Variants in PDZD2 observed in about 807,000 individuals in gnomAD.
PDZD2 encodes the protein PDZ domain-containing protein 2.
Under a neutral mutation model 220.7 loss-of-function variants are expected in PDZD2, and 90 were observed. The observed-to-expected ratio is 0.41, with a 90% CI of 0.34 to 0.49. The LOEUF (loss-of-function observed/expected upper bound fraction) is 0.49, where lower values mean the gene tolerates loss of function less well. PDZD2 is among the 20% of genes least tolerant of loss of function. The pLI is 0.28. For missense variants in PDZD2, 3,174 were observed against 3,608.5 expected (o/e 0.88, Z 3.08); for synonymous variants, 1,375 against 1,450.5 (o/e 0.95, Z 1.18).
At chr5:31,663,150 C>G (rs1480215114) in intron 1 of PDZD2, among the ~76,000 whole-genome samples, 2 of 152,118 alleles carry the variant, frequency 1.3e-5, no homozygotes, top group African/African-American at 2.4e-5. Flanking sequence ...ATTAAGCTAC[C>G]CATAAAAAAT....
At chr5:31,964,594 T>C (rs1055947780) in intron 2 of PDZD2, among the ~76,000 whole-genome samples, 3 of 152,232 alleles carry the variant, frequency 2.0e-5, no homozygotes, top group Non-Finnish European at 4.4e-5. Flanking sequence ...CATCTTCTTT[T>C]ACATCAGATT....
At chr5:31,838,440 C>T (rs1034188993) in intron 2 of PDZD2, among the ~76,000 whole-genome samples, 1 of 152,220 alleles carries the variant, frequency 6.6e-6, no homozygotes, top group East Asian at 1.9e-4. Context: ...CTCAGCAGCA[C>T]AAACAGCCTC....
At position 31,906,245 on chromosome 5, in the gene PDZD2, G is replaced by A. The variant is rs542243828; in HGVS notation, c.477-76910G>A. Among the ~76,000 whole-genome samples the A allele has an allele frequency of 1.3e-4, 19 of 142,082 alleles. No homozygotes were observed. The South Asian group carries it at 3.5e-3, about 26-fold the overall frequency. The allele number at this position is 142,082 out of a possible 152,430, so 93.2% of individuals were successfully genotyped here. A position where few individuals can be genotyped will look rare whatever the true frequency, so the allele number is the denominator to read the frequency against. Reference sequence around the variant, plus strand: ...CAAGTAAAATATACTTCATGTTACCGATGTCCAAATGTTCGCTGATTTTGT... The same window carrying A: ...CAAGTAAAATATACTTCATGTTACCAATGTCCAAATGTTCGCTGATTTTGT... On this transcript the variant is annotated intron_variant, in intron 2 of 24. Coordinates refer to ENST00000438447, the MANE Select transcript of PDZD2 (RefSeq NM_178140.4).
At chr5:31,650,096 T>G (rs1358972279) in intron 1 of PDZD2, among the ~76,000 whole-genome samples, 1 of 152,142 alleles carries the variant, frequency 6.6e-6, no homozygotes, top group African/African-American at 2.4e-5. Context: ...AGTGAGTATA[T>G]TTCTTCCCTC....
intron 2 of PDZD2, among the ~76,000 whole-genome samples, chr5:31,963,577 G>A (rs549496408): frequency 6.6e-6 from 1 of 152,278 alleles, no homozygotes; most frequent in South Asian, 2.1e-4. Flanking sequence ...CCGCAGCCTC[G>A]CTGGGATGGG....
chr5:31,711,464 C>T (rs1370061934), intron 1 of PDZD2, among the ~76,000 whole-genome samples: 2 of 152,218 alleles, frequency 1.3e-5, no homozygotes, highest in Admixed American at 6.5e-5. Context: ...CTTGACTGCA[C>T]ATGTGGCTTA....
chr5:32,074,424 C>T lies in PDZD2; in HGVS notation c.3318C>T (p.Ser1106=), dbSNP rs1165841600. 3.7e-6 allele frequency: 6 copies of T among 1,614,014 alleles called. No homozygotes were observed. The highest frequency in any genetic ancestry group is 1.3e-5 in the African/African-American group (1 of 74,928). ...QSPTNTGSPS[S]PQQKSEGLGS... The stretch of plus-strand genomic sequence containing the variant: ...CGACGAACACTGGGAGCCCCAGTTC[C>T]CCCCAGCAGAAAAGTGAAGGCCTGG... Residue 1106 remains serine (S), a synonymous_variant, in exon 18 of 25, where the codon TCC becomes TCT. Transcript: ENST00000438447.
intron 17 of PDZD2, among the ~76,000 whole-genome samples, chr5:32,073,220 C>G (rs1366769682): frequency 6.6e-6 from 1 of 152,182 alleles, no homozygotes; most frequent in African/African-American, 2.4e-5. Flanking sequence ...TGAGTTTGCT[C>G]TGTTCTTATA....
At chr5:32,091,587 C>A (rs558173241) in intron 20 of PDZD2, among the ~76,000 whole-genome samples, 1 of 152,194 alleles carries the variant, frequency 6.6e-6, no homozygotes, top group South Asian at 2.1e-4. Context: ...CCGGCCACTT[C>A]TTACCCACTC....
rs201461332 is a variant in PDZD2 at position 32,087,117 on chromosome 5, C to A, written c.3683-14C>A. The A allele has an allele frequency of 1.3e-6, 2 of 1,523,502 alleles. No homozygotes were observed. The highest frequency in any genetic ancestry group is 2.7e-5 in the African/African-American group (2 of 72,852). 94.4% of individuals were successfully genotyped at this position (1,523,502 alleles called of 1,614,324 possible). ...CTCCTGTGTATGTACCTTCTGTTTA[C>A]GTTCCCCACGTAGAACTGGACAGCT... On this transcript the variant is annotated splice_polypyrimidine_tract_variant and intron_variant, in intron 19 of 24. Coordinates refer to ENST00000438447, the MANE Select transcript of PDZD2 (RefSeq NM_178140.4). The surrounding 1 kb of genome is among the most constrained non-coding windows in gnomAD (Gnocchi z 4.0).
chr5:31,778,591 C>T (rs1035951711), intron 1 of PDZD2, among the ~76,000 whole-genome samples: 4 of 152,156 alleles, frequency 2.6e-5, no homozygotes, highest in Admixed American at 1.3e-4. Context: ...GCCAGCGAGA[C>T]CATGAACCCA....
intron 2 of PDZD2, among the ~76,000 whole-genome samples, chr5:31,805,917 G>A (rs950041715): frequency 6.6e-6 from 1 of 152,192 alleles, no homozygotes; most frequent in African/African-American, 2.4e-5. Flanking sequence ...GCCAAGGAAC[G>A]ACCAGAAGCT....
intron 6 of PDZD2, among the ~76,000 whole-genome samples, chr5:32,031,492 G>A (rs1009194216): frequency 1.2e-4 from 18 of 152,134 alleles, no homozygotes; most frequent in African/African-American, 3.6e-4. Flanking sequence ...TCTTAGCTGT[G>A]AGTTTTGCAG....
intron 2 of PDZD2, among the ~76,000 whole-genome samples, chr5:31,912,465 T>A (rs2150369964): frequency 6.6e-6 from 1 of 152,188 alleles, no homozygotes; most frequent in East Asian, 1.9e-4. Flanking sequence ...TTCCTCCAAT[T>A]TTGGAGGAAC....
In PDZD2 at chr5:31,905,144, A is replaced by AT. The variant is rs978082780; in HGVS notation, c.477-78002dup. 4.1e-3 allele frequency among the ~76,000 whole-genome samples: 621 copies of AT among 150,806 alleles called. 7 individuals carry two copies. Among genetic ancestry groups the AT allele is most frequent in the African/African-American group, 0.015 (599 of 41,056 alleles). On this transcript the variant is annotated intron_variant, in intron 2 of 24. Transcript: ENST00000438447. ...CCACCACGCCCGGCTAATTTTTTGT[A>AT]TTTTTTTTTCTTTCTTAGTAGAGAG...
At chr5:31,779,121 A>T (rs1335698654) in intron 1 of PDZD2, among the ~76,000 whole-genome samples, 1 of 152,058 alleles carries the variant, frequency 6.6e-6, no homozygotes, top group African/African-American at 2.4e-5. Flanking sequence ...GTCAAACTCC[A>T]TGTGCACTCT....
chr5:31,652,017 G>C (rs1421811245), intron 1 of PDZD2, among the ~76,000 whole-genome samples: 2 of 135,262 alleles, frequency 1.5e-5, no homozygotes, highest in African/African-American at 5.8e-5. Flanking sequence ...TTTTTTAGTA[G>C]AGACAGGGTT....
At chr5:32,002,756 C>CA (rs1752289618) in intron 5 of PDZD2, among the ~76,000 whole-genome samples, 2 of 28,760 alleles carry the variant, frequency 7.0e-5, no homozygotes, top group Non-Finnish European at 1.9e-4. Flanking sequence ...AACACACACA[C>CA]CCCACACACC....
intron 2 of PDZD2, among the ~76,000 whole-genome samples, chr5:31,809,180 G>A (rs1178738537): frequency 2.6e-5 from 4 of 152,138 alleles, no homozygotes; most frequent in Admixed American, 1.3e-4. Flanking sequence ...AGGACAGTGG[G>A]AGCTTGCTTT....
Sources: allele counts gnomAD v4.1 joint callset (sites outside exome capture counted in the v4.1 genomes callset), GRCh38; gene constraint gnomAD v4.1.1; non-coding constraint Gnocchi (gnomAD v3.1); transcripts MANE v1.5; gene names NCBI Gene and HGNC (gene_info 2026-07-23, HGNC 2026-07-21).